The following SNTG1 variants were observed in gnomAD, a reference collection of about 807,000 sequenced individuals.
SNTG1 encodes the protein gamma-1-syntrophin.
In SNTG1, 39 loss-of-function variants were observed where a neutral mutation model predicts 74.7. The ratio of observed to expected loss-of-function variants is 0.52; its 90% CI spans 0.40 to 0.68. The LOEUF (loss-of-function observed/expected upper bound fraction) is 0.68. Ranked by LOEUF, SNTG1 falls within the 30% of genes least tolerant of loss-of-function variation. The pLI is 0.00. For synonymous variants in SNTG1, 254 were observed against 217.1 expected (o/e 1.17, Z -1.49); for missense variants, 685 against 609.5 (o/e 1.12, Z -1.30).
At chr8:50,531,941 T>A (rs895573785) in intron 10 of SNTG1, among the ~76,000 whole-genome samples, 1 of 152,176 alleles carries the variant, frequency 6.6e-6, no homozygotes, top group African/African-American at 2.4e-5. Flanking sequence ...TTTTAATCCA[T>A]TCCATTGACA....
intron 12 of SNTG1, among the ~76,000 whole-genome samples, chr8:50,575,392 A>G (rs183586371): frequency 2.4e-3 from 369 of 152,312 alleles, no homozygotes; most frequent in Non-Finnish European, 4.6e-3. Flanking sequence ...TGAAGGTAAT[A>G]ACAGTGTGAG....
chr8:50,580,434 G>T (rs1228990589), intron 12 of SNTG1, among the ~76,000 whole-genome samples: 1 of 152,126 alleles, frequency 6.6e-6, no homozygotes, highest in African/African-American at 2.4e-5. Context: ...TTTGAAATGG[G>T]AAGACATGAT....
intron 2 of SNTG1, among the ~76,000 whole-genome samples, chr8:50,329,228 G>A (rs1437656223): frequency 1.3e-5 from 2 of 152,122 alleles, no homozygotes; most frequent in Non-Finnish European, 2.9e-5. Flanking sequence ...CAGGTACACA[G>A]TGCAAGCTGT....
At chr8:50,617,263 C>T (rs1423681389) in intron 13 of SNTG1, among the ~76,000 whole-genome samples, 1 of 151,964 alleles carries the variant, frequency 6.6e-6, no homozygotes, top group Non-Finnish European at 1.5e-5. Context: ...GAACTTTGAC[C>T]TATAACTGTG....
chr8:50,278,720 A>AT (rs2088261242), intron 2 of SNTG1, among the ~76,000 whole-genome samples: 1 of 152,082 alleles, frequency 6.6e-6, no homozygotes, highest in African/African-American at 2.4e-5. Context: ...AAAATGTAGA[A>AT]TTTTTTTAAA....
intron 1 of SNTG1, among the ~76,000 whole-genome samples, chr8:50,150,159 T>G (rs1215206779): frequency 6.6e-6 from 1 of 152,198 alleles, no homozygotes; most frequent in Non-Finnish European, 1.5e-5. Flanking sequence ...GAAGCAATTG[T>G]GAAGGGGTGT....
intron 4 of SNTG1, among the ~76,000 whole-genome samples, chr8:50,432,576 T>A (rs2093250209): frequency 6.6e-6 from 1 of 152,116 alleles, no homozygotes. Flanking sequence ...TTATTGGAAT[T>A]GCATAGATTT....
intron 1 of SNTG1, among the ~76,000 whole-genome samples, chr8:50,074,090 ACTT>A (rs1426587814): frequency 7.9e-5 from 12 of 151,902 alleles, no homozygotes; most frequent in East Asian, 3.9e-4. Context: ...GTCCTAGATG[ACTT>A]CTTCTTCCAA....
At chr8:50,752,232 A>G (rs2095569392) in intron 18 of SNTG1, 121 bp downstream of exon 18, 1 of 474,650 alleles carries the variant, frequency 2.1e-6, no homozygotes, top group Admixed American at 4.0e-5. Flanking sequence ...TCATCTTGAA[A>G]TATCCGTCAT....
At chr8:50,206,258 T>C (rs1418582833) in intron 2 of SNTG1, among the ~76,000 whole-genome samples, 3 of 152,218 alleles carry the variant, frequency 2.0e-5, no homozygotes, top group Non-Finnish European at 4.4e-5. Flanking sequence ...CAGTGTTTTG[T>C]AGTTCTCCTT....
At chr8:49,984,366 C>T (rs1013578395) in intron 1 of SNTG1, among the ~76,000 whole-genome samples, 1 of 151,784 alleles carries the variant, frequency 6.6e-6, no homozygotes, top group Non-Finnish European at 1.5e-5. Context: ...TTACCACTCC[C>T]GGATAATTTT....
intron 15 of SNTG1, among the ~76,000 whole-genome samples, chr8:50,700,088 C>T (rs1395004000): frequency 6.6e-6 from 1 of 152,072 alleles, no homozygotes; most frequent in Non-Finnish European, 1.5e-5. Context: ...TATAACAGCT[C>T]CTGCATGTGT....
At chr8:50,581,534 A>AAAGG (rs2094609769) in intron 12 of SNTG1, among the ~76,000 whole-genome samples, 2 of 152,272 alleles carry the variant, frequency 1.3e-5, no homozygotes, top group African/African-American at 4.8e-5. Context: ...TATTCCTTTC[A>AAAGG]AATCTTGTAT....
intron 13 of SNTG1, among the ~76,000 whole-genome samples, chr8:50,648,231 T>C (rs1202377756): frequency 6.6e-6 from 1 of 152,148 alleles, no homozygotes; most frequent in African/African-American, 2.4e-5. Flanking sequence ...ATCATAAAAC[T>C]GCATACAGTG....
intron 2 of SNTG1, among the ~76,000 whole-genome samples, chr8:50,245,479 T>C (rs2129763209): frequency 6.6e-6 from 1 of 152,156 alleles, no homozygotes; most frequent in Non-Finnish European, 1.5e-5. Context: ...GATCAAAAGA[T>C]CGAGACCATC....
At chr8:50,632,336 G>A (rs112114002) in intron 13 of SNTG1, among the ~76,000 whole-genome samples, 5,690 of 135,808 alleles carry the variant, frequency 0.042, 169 homozygotes, top group African/African-American at 0.1. Context: ...TTTGAGAGAG[G>A]GTCTCACTCT....
intron 16 of SNTG1, chr8:50,707,857 T>G (rs1005889948): frequency 5.2e-6 from 2 of 387,100 alleles, no homozygotes; most frequent in Non-Finnish European, 9.1e-6. Context: ...AAGTTTTTAT[T>G]TCATATTTGA....
intron 2 of SNTG1, among the ~76,000 whole-genome samples, chr8:50,297,786 C>T (rs1468270183): frequency 2.0e-5 from 3 of 151,770 alleles, no homozygotes; most frequent in Non-Finnish European, 4.4e-5. Flanking sequence ...GTATCTGAAA[C>T]CAGGAAAAGC....
intron 1 of SNTG1, among the ~76,000 whole-genome samples, chr8:49,930,381 C>T (rs1212725565): frequency 6.6e-6 from 1 of 151,876 alleles, no homozygotes; most frequent in African/African-American, 2.4e-5. Context: ...ATACTATAAC[C>T]TCAATATATA....
Sources: allele counts gnomAD v4.1 joint callset (sites outside exome capture counted in the v4.1 genomes callset), GRCh38; gene constraint gnomAD v4.1.1; transcripts MANE v1.5; gene names NCBI Gene and HGNC (gene_info 2026-07-23, HGNC 2026-07-21).